BICDL1: variants seen among roughly 807,000 people sequenced by gnomAD.
BICDL1 encodes the protein BICD family like cargo adaptor 1, also known as BICD family-like cargo adapter 1.
In BICDL1, 20 loss-of-function variants were observed where a neutral mutation model predicts 76.8. The observed-to-expected ratio is 0.26, with a 90% confidence interval of 0.18 to 0.38. BICDL1 has a LOEUF of 0.38. Ranked by LOEUF, BICDL1 falls within the 10% of genes least tolerant of loss-of-function variation. The probability of loss-of-function intolerance (pLI) is 1.00; values close to 1 mark genes in which losing one functional copy is unlikely to be tolerated. For missense variants in BICDL1, 700 were observed against 798.6 expected (o/e 0.88, Z 1.49); for synonymous variants, 383 against 337.1 (o/e 1.14, Z -1.49).
chr12:120,081,349 C>CTT lies in BICDL1; in HGVS notation c.1583+350_1583+351dup, dbSNP rs1184204926. 2.6e-3 allele frequency among the ~76,000 whole-genome samples: 308 copies of CTT among 116,956 alleles called. 5 individuals carry two copies. Among genetic ancestry groups the CTT allele is most frequent in the African/African-American group, 5.3e-3 (152 of 28,854 alleles). The allele number at this position is 116,956 out of a possible 152,430, so 76.7% of individuals were successfully genotyped here. A position where few individuals can be genotyped will look rare whatever the true frequency, so the allele number is the denominator to read the frequency against. On this transcript the variant is annotated intron_variant, in intron 8 of 9. Transcript: ENST00000548673. ...TGCACTTGTATCTTAAAGAGCTTTC[C>CTT]TTTTTTTTTTTTTTTTTTTGAGACG...
chr12:119,990,358 C>T (rs867902993), intron 1 of BICDL1, 61 bp downstream of exon 1: 11 of 1,532,760 alleles, frequency 7.2e-6, no homozygotes, highest in Middle Eastern at 1.8e-4. Context: ...GCGCCCGGCC[C>T]TGGGCAGTTA....
rs752622303 is a variant in BICDL1 at position 120,089,936 on chromosome 12, C to T, written c.1584-15C>T. 123 of 1,613,402 alleles carry T rather than the reference C, an allele frequency of 7.6e-5. No homozygotes were observed. The highest frequency in any genetic ancestry group is 1.0e-4 in the Non-Finnish European group (120 of 1,179,664). On this transcript the variant is annotated splice_polypyrimidine_tract_variant and intron_variant, in intron 8 of 9. Coordinates refer to ENST00000548673, the MANE Select transcript of BICDL1 (RefSeq NM_001367886.1). ...CACAAGGTGTCCATGTTCACCCTGG[C>T]TTGTCTGTTCTCAGGAAGAATGCTG...
chr12:120,039,570 G>A (rs1353279490), intron 2 of BICDL1, among the ~76,000 whole-genome samples: 2 of 146,538 alleles, frequency 1.4e-5, no homozygotes, highest in Non-Finnish European at 3.0e-5. Flanking sequence ...CCCGGGAGGC[G>A]GAAGTTGCAG....
chr12:120,063,608 A>G (rs997848028), intron 3 of BICDL1, among the ~76,000 whole-genome samples: 3 of 152,224 alleles, frequency 2.0e-5, no homozygotes, highest in African/African-American at 7.2e-5. Flanking sequence ...TTGCACAAGT[A>G]AAAGCCTTAA....
intron 2 of BICDL1, among the ~76,000 whole-genome samples, chr12:120,002,673 T>G (rs1344493510): frequency 6.6e-6 from 1 of 152,100 alleles, no homozygotes; most frequent in Admixed American, 6.5e-5. Context: ...AATTCAACAT[T>G]CAGCAAATAT....
intron 2 of BICDL1, among the ~76,000 whole-genome samples, chr12:120,012,994 C>CA (rs1334776799): frequency 6.6e-6 from 1 of 152,076 alleles, no homozygotes; most frequent in Non-Finnish European, 1.5e-5. Flanking sequence ...TGCTTTTTGT[C>CA]AAACTCTTAA....
At chr12:119,991,654 A>G (rs1951526633) in intron 1 of BICDL1, among the ~76,000 whole-genome samples, 2 of 152,234 alleles carry the variant, frequency 1.3e-5, no homozygotes. Context: ...ACGACTTTGT[A>G]AAGAAGTACA....
intron 7 of BICDL1, among the ~76,000 whole-genome samples, chr12:120,075,488 G>A (rs1337043183): frequency 2.0e-5 from 3 of 151,880 alleles, no homozygotes; most frequent in African/African-American, 7.3e-5. Flanking sequence ...TGACTTCTAG[G>A]CTCAAGCAAT....
intron 2 of BICDL1, among the ~76,000 whole-genome samples, chr12:120,048,436 T>G (rs1002627399): frequency 6.6e-6 from 1 of 152,248 alleles, no homozygotes; most frequent in Non-Finnish European, 1.5e-5. Flanking sequence ...CTTGATCTTT[T>G]TGTAGTTCAT....
rs924607845 is a variant in BICDL1, at chr12:119,989,312, T to TCGCCGC, written c.-553_-548dup. 6.7e-6 allele frequency among the ~76,000 whole-genome samples: 1 copy of TCGCCGC among 149,762 alleles called. No individual in the cohort carries two copies. Among genetic ancestry groups the TCGCCGC allele is most frequent in the Non-Finnish European group, 1.5e-5 (1 of 67,222 alleles). ...GCCCCTGCAGCAGCAGCAGCCGCCG[T>TCGCCGC]CGCCGCCGCTGCTGCTGGGGCTGCC... is the stretch of plus-strand genomic sequence containing the variant. On this transcript the variant is annotated 5_prime_UTR_variant, in exon 1 of 10. Transcript: ENST00000548673.
intron 2 of BICDL1, among the ~76,000 whole-genome samples, chr12:120,042,429 T>G (rs1345922398): frequency 1.3e-5 from 2 of 152,046 alleles, no homozygotes; most frequent in African/African-American, 4.8e-5. Flanking sequence ...GGCCCTCAAA[T>G]CAGGAGTTCA....
At chr12:120,001,730 A>C (rs1319180838) in intron 2 of BICDL1, among the ~76,000 whole-genome samples, 5 of 152,128 alleles carry the variant, frequency 3.3e-5, no homozygotes, top group Non-Finnish European at 5.9e-5. Flanking sequence ...TATAATTCAC[A>C]TACCATAACA....
intron 4 of BICDL1, among the ~76,000 whole-genome samples, chr12:120,065,780 CAT>C (rs1173837743): frequency 6.6e-6 from 1 of 152,162 alleles, no homozygotes; most frequent in African/African-American, 2.4e-5. Flanking sequence ...CCACTGGGCT[CAT>C]AGGTAGGCTG....
At chr12:120,063,327 C>T (rs1054920607) in intron 3 of BICDL1, among the ~76,000 whole-genome samples, 2 of 152,176 alleles carry the variant, frequency 1.3e-5, no homozygotes, top group African/African-American at 2.4e-5. Flanking sequence ...TGGTCCCCTA[C>T]CCAGATGCAC....
intron 2 of BICDL1, among the ~76,000 whole-genome samples, chr12:120,005,449 C>T (rs936090579): frequency 2.6e-5 from 4 of 152,218 alleles, no homozygotes; most frequent in African/African-American, 7.2e-5. Flanking sequence ...TCTCGGCACA[C>T]TGCAACCTCC....
chr12:120,089,768 G>A (rs1484184678), intron 8 of BICDL1, among the ~76,000 whole-genome samples, 183 bp from the exon 9 acceptor site: 1 of 152,226 alleles, frequency 6.6e-6, no homozygotes, highest in Non-Finnish European at 1.5e-5. Flanking sequence ...GAGAATATAT[G>A]TGAAAACATG....
chr12:120,064,817 G>C lies in BICDL1; in HGVS notation c.847G>C (p.Val283Leu). Reference protein sequence around the residue: ...LEENDLLQGTVEELQDRVLIL... With the variant: ...LEENDLLQGTLEELQDRVLIL... ...GGAAAATGACCTGCTCCAAGGGACC[G>C]TGGAGGAGCTACAGGACCGGGTGCT... The change falls in exon 4 of 10, where the codon GTG becomes CTG. Residue 283 changes from valine (V) to leucine (L), a missense_variant. Coordinates refer to ENST00000548673, the MANE Select transcript of BICDL1 (RefSeq NM_001367886.1). The C allele has an allele frequency of 6.2e-7, 1 of 1,613,664 alleles. No individual in the cohort carries two copies. The highest frequency in any genetic ancestry group is 1.3e-5 in the African/African-American group (1 of 75,014).
intron 2 of BICDL1, among the ~76,000 whole-genome samples, chr12:120,027,459 ATGG>A (rs1253126569): frequency 2.6e-5 from 4 of 152,170 alleles, no homozygotes; most frequent in African/African-American, 4.8e-5. Flanking sequence ...GAGATTGAAA[ATGG>A]TGGTATTAGA....
intron 2 of BICDL1, among the ~76,000 whole-genome samples, chr12:120,058,663 T>C (rs1953035658): frequency 6.6e-6 from 1 of 150,958 alleles, no homozygotes; most frequent in Non-Finnish European, 1.5e-5. Flanking sequence ...CGATCTTGGC[T>C]CACTGCAACC....
Sources: allele counts gnomAD v4.1 joint callset (sites outside exome capture counted in the v4.1 genomes callset), GRCh38; gene constraint gnomAD v4.1.1; transcripts MANE v1.5; gene names NCBI Gene and HGNC (gene_info 2026-07-23, HGNC 2026-07-21).